ADGRL2: variants seen among roughly 807,000 people sequenced by gnomAD.
The protein encoded by ADGRL2 is adhesion G protein-coupled receptor L2.
ADGRL2 carries 44 observed loss-of-function variants against 157.4 expected under a neutral mutation model. The observed-to-expected ratio is 0.28, with a 90% CI of 0.22 to 0.36. The LOEUF is 0.36. Ranked by LOEUF, ADGRL2 falls within the 10% of genes least tolerant of loss-of-function variation. ADGRL2 has a pLI of 1.00. For synonymous variants in ADGRL2, 585 were observed against 624.7 expected (o/e 0.94, Z 0.95); for missense variants, 1,510 against 1,768.9 (o/e 0.85, Z 2.63).
chr1:81,417,973 T>G (rs2077060553), intron 1 of ADGRL2, among the ~76,000 whole-genome samples: 2 of 152,182 alleles, frequency 1.3e-5, no homozygotes, highest in Non-Finnish European at 2.9e-5. Flanking sequence ...AAAATGTATT[T>G]TAAGGGGCTC....
At chr1:81,428,091 T>C (rs1280697717) in intron 1 of ADGRL2, among the ~76,000 whole-genome samples, 1 of 152,204 alleles carries the variant, frequency 6.6e-6, no homozygotes, top group Non-Finnish European at 1.5e-5. Context: ...CATTGTTAAT[T>C]ACTATTTTGT....
In ADGRL2 at chr1:81,953,015, C is replaced by T. The variant is rs756318632; in HGVS notation, c.1823C>T (p.Ala608Val). Residue 608 changes from alanine (A) to valine (V), a missense_variant, in exon 10 of 24, where the codon GCT (alanine) becomes GTT (valine). Coordinates refer to ENST00000686636, the MANE Select transcript of ADGRL2 (RefSeq NM_001366006.2). ...CAAAAACGAGAGAAGACATGCAGGG[C>T]TTACCTTAAGGTATCTCTCCTGTGC... ...KLQKREKTCR[A>V]YLKAIVDTVD... The T allele has an allele frequency of 6.2e-7, 1 of 1,611,828 alleles. No homozygotes were observed. Among genetic ancestry groups the T allele is most frequent in the East Asian group, 2.2e-5 (1 of 44,834 alleles).
intron 1 of ADGRL2, among the ~76,000 whole-genome samples, chr1:81,375,689 A>G (rs1242166049): frequency 6.6e-6 from 1 of 152,168 alleles, no homozygotes; most frequent in Non-Finnish European, 1.5e-5. Context: ...TATATTATTT[A>G]CCAGTATCTT....
chr1:81,822,795 T>A (rs2091117455), intron 1 of ADGRL2, among the ~76,000 whole-genome samples: 1 of 152,180 alleles, frequency 6.6e-6, no homozygotes, highest in Admixed American at 6.6e-5. Flanking sequence ...ACTATTAAAT[T>A]CCTAAACTTC....
chr1:81,862,970 C>T (rs1019654331), intron 2 of ADGRL2, among the ~76,000 whole-genome samples: 2 of 152,056 alleles, frequency 1.3e-5, no homozygotes, highest in African/African-American at 2.4e-5. Context: ...TCAAGAAAAA[C>T]GAACAAACAC....
At chr1:81,762,312 A>C (rs1007562830) in intron 2 of ADGRL2, among the ~76,000 whole-genome samples, 1 of 152,148 alleles carries the variant, frequency 6.6e-6, no homozygotes, top group African/African-American at 2.4e-5. Flanking sequence ...AGCATCTGTG[A>C]ATTTTAAAAT....
At chr1:81,797,390 C>T (rs754808419), upstream of ADGRL2, among the ~76,000 whole-genome samples, 8 of 152,120 alleles carry the variant, frequency 5.3e-5, no homozygotes, top group African/African-American at 1.9e-4. Flanking sequence ...ATACAACCGT[C>T]CCTCCTTAAT....
chr1:81,848,188 T>C (rs1416676381), intron 2 of ADGRL2, among the ~76,000 whole-genome samples: 3 of 151,882 alleles, frequency 2.0e-5, no homozygotes, highest in African/African-American at 7.2e-5. Flanking sequence ...ATAAAGTAAA[T>C]TTATTTCTTA....
At chr1:81,915,225 G>A (rs1216134759) in intron 3 of ADGRL2, among the ~76,000 whole-genome samples, 1 of 151,926 alleles carries the variant, frequency 6.6e-6, no homozygotes, top group Non-Finnish European at 1.5e-5. Flanking sequence ...ACAGGTGCAT[G>A]CCACCACACC....
chr1:81,823,970 TTTG>T (rs1450294604), intron 1 of ADGRL2, among the ~76,000 whole-genome samples: 1 of 152,116 alleles, frequency 6.6e-6, no homozygotes, highest in African/African-American at 2.4e-5. Flanking sequence ...TTCCAGAAAG[TTTG>T]TTAATATATT....
intron 3 of ADGRL2, among the ~76,000 whole-genome samples, chr1:81,594,992 G>A (rs2081203954): frequency 6.6e-6 from 1 of 152,150 alleles, no homozygotes; most frequent in Admixed American, 6.6e-5. Context: ...ATTGAGCACT[G>A]ACTAGATGTC....
chr1:81,545,861 C>A (rs1023691853), intron 2 of ADGRL2, among the ~76,000 whole-genome samples: 2 of 152,070 alleles, frequency 1.3e-5, no homozygotes, highest in Non-Finnish European at 2.9e-5. Flanking sequence ...TTGCCTCCTG[C>A]GGTATGGAAA....
intron 2 of ADGRL2, among the ~76,000 whole-genome samples, chr1:81,901,583 T>C (rs2094487556): frequency 7.2e-6 from 1 of 139,682 alleles, no homozygotes; most frequent in African/African-American, 2.7e-5. Flanking sequence ...TATATATATA[T>C]TTTTTTTTTT....
chr1:81,557,520 A>G (rs549276239), intron 2 of ADGRL2: 3 of 151,728 alleles, frequency 2.0e-5, no homozygotes, highest in Admixed American at 2.0e-4. Flanking sequence ...AAAGAAAGAA[A>G]GAAAGAGAAG....
chr1:81,593,685 A>G (rs2081176518), intron 3 of ADGRL2, among the ~76,000 whole-genome samples: 1 of 152,220 alleles, frequency 6.6e-6, no homozygotes, highest in Non-Finnish European at 1.5e-5. Flanking sequence ...ACCGTCAGCA[A>G]AAATTCACGT....
chr1:81,317,357 A>G (rs1570600733), intron 1 of ADGRL2, among the ~76,000 whole-genome samples: 1 of 152,090 alleles, frequency 6.6e-6, no homozygotes, highest in African/African-American at 2.4e-5. Context: ...ACTGCTTTTC[A>G]TCCCTCAGAA....
intron 3 of ADGRL2, among the ~76,000 whole-genome samples, chr1:81,650,187 T>G (rs1302558530): frequency 6.6e-6 from 1 of 152,158 alleles, no homozygotes; most frequent in East Asian, 1.9e-4. Flanking sequence ...ACTCAGGCTC[T>G]CAACAAATTC....
At chr1:81,531,268 T>C (rs755009179) in intron 2 of ADGRL2, among the ~76,000 whole-genome samples, 1 of 152,118 alleles carries the variant, frequency 6.6e-6, no homozygotes, top group Non-Finnish European at 1.5e-5. Context: ...AAAAGAGCTT[T>C]CACAGGAAAA....
intron 1 of ADGRL2, among the ~76,000 whole-genome samples, chr1:81,433,097 A>G (rs968012705): frequency 6.6e-6 from 1 of 152,138 alleles, no homozygotes; most frequent in Non-Finnish European, 1.5e-5. Flanking sequence ...TCCCATCCCA[A>G]TATAAATTAT....
Sources: gnomAD v4.1 joint callset for allele counts (sites outside exome capture counted in the v4.1 genomes callset) on GRCh38, gnomAD v4.1.1 for gene constraint, MANE v1.5 for transcripts, NCBI Gene and HGNC (gene_info 2026-07-23, HGNC 2026-07-21) for gene names.